The following DSP variants were observed in gnomAD, a reference collection of about 807,000 sequenced individuals.
The protein encoded by DSP is desmoplakin.
In DSP, 114 loss-of-function variants were observed where a neutral mutation model predicts 290.6. The observed-to-expected ratio is 0.39, with a 90% CI of 0.34 to 0.46. The LOEUF is 0.46. Among genes scored for constraint, DSP ranks in the 20% least tolerant of loss-of-function variants. The pLI, the probability that DSP is intolerant of heterozygous loss-of-function variation, is 0.99. For missense variants in DSP, 3,230 were observed against 3,495.8 expected (o/e 0.92, Z 1.92); for synonymous variants, 1,311 against 1,316.4 (o/e 1.00, Z 0.09).
rs111368396 is a variant in DSP at position 7,575,410 on chromosome 6, T to A, written c.2552T>A (p.Leu851Gln). ...QTSQQYPLYD[L>Q]DLGKFGEKVT... ...TCACAGCAGTATCCACTTTATGATC[T>A]GGACTTGGGCAAGTTCGGTGAAAAA... The change falls in exon 18 of 24, where the codon CTG (leucine) becomes CAG (glutamine). Residue 851 changes from leucine (L) to glutamine (Q), a missense_variant. Physicochemically the swap from Leu to Gln is moderately radical, Grantham distance 113. This residue lies in a region of DSP where 1,714 missense variants were observed against 1,844.5 expected (regional missense o/e 0.93). Coordinates refer to ENST00000379802, the MANE Select transcript of DSP (RefSeq NM_004415.4). 203 of 1,614,108 alleles carry A rather than the reference T, an allele frequency of 1.3e-4. 1 individual carries two copies. Among genetic ancestry groups the A allele is most frequent in the Non-Finnish European group, 1.7e-4 (196 of 1,180,046 alleles).
chr6:7,545,260 A>T (rs1176718633), intron 1 of DSP, among the ~76,000 whole-genome samples: 1 of 152,208 alleles, frequency 6.6e-6, no homozygotes, highest in Non-Finnish European at 1.5e-5. Context: ...TTTTAAGAGA[A>T]GCTTATTTCT....
intron 19 of DSP, 84 bp downstream of exon 19, chr6:7,576,540 C>G: frequency 6.5e-7 from 1 of 1,542,322 alleles, no homozygotes; most frequent in Non-Finnish European, 9.0e-7. Flanking sequence ...GTATCAGTGC[C>G]TAGGTTTGAA....
At position 7,565,350 on chromosome 6, in the gene DSP, C is replaced by A; in HGVS notation, c.778-9C>A. 8 of 1,613,966 alleles carry A rather than the reference C, an allele frequency of 5.0e-6. No individual in the cohort carries two copies. The highest frequency in any genetic ancestry group is 5.9e-6 in the Non-Finnish European group (7 of 1,180,002). ...TTATTTTAATGCTGCCTTTGAACCT[C>A]CTGTGCAGAAAGCGTCCTTTGAGAG... On this transcript the variant is annotated splice_polypyrimidine_tract_variant and intron_variant, in intron 6 of 23. Coordinates refer to ENST00000379802, the MANE Select transcript of DSP (RefSeq NM_004415.4). This position sits in a 1 kb window ranked among gnomAD's most constrained non-coding sequence, Gnocchi z 4.2.
chr6:7,568,302 A>AT, intron 10 of DSP, 135 bp from the exon 11 acceptor site: 1 of 1,009,778 alleles, frequency 9.9e-7, no homozygotes, highest in Non-Finnish European at 1.5e-6. Flanking sequence ...CTGCCGACGA[A>AT]TTTGTGATTT....
At chr6:7,568,724 C>A in intron 11 of DSP, 135 bp downstream of exon 11, 1 of 980,240 alleles carries the variant, frequency 1.0e-6, no homozygotes, top group South Asian at 1.4e-5. Flanking sequence ...AAATCAGCAG[C>A]TATGGAACAA....
At position 7,585,792 on chromosome 6, in the gene DSP, G is replaced by A; in HGVS notation, c.8530G>A (p.Gly2844Arg). The change falls in exon 24 of 24, where the codon GGG (glycine) becomes AGG (arginine). Residue 2844 changes from glycine to arginine, a missense_variant. Gly to Arg is a moderately radical substitution (Grantham distance 125, BLOSUM62 -2). Coordinates refer to ENST00000379802, the MANE Select transcript of DSP (RefSeq NM_004415.4). ...CGGATCTCGCTCCGGGTCCCGCAGT[G>A]GGTCCCGGAGAGGAAGCTTTGACGC... ...RSGSRSGSRSGSRRGSFDATG... is the reference protein window; with the variant it reads ...RSGSRSGSRSRSRRGSFDATG... 6.2e-7 allele frequency: 1 copy of A among 1,607,138 alleles called. No homozygotes were observed. The highest frequency in any genetic ancestry group is 1.1e-5 in the South Asian group (1 of 89,564).
rs776211500 is a variant in DSP, at chr6:7,572,012, C to G, written c.2074C>G (p.Pro692Ala). Reference sequence around the variant, plus strand: ...GGGCAGGATGACTCTCAAAAACCTCCCTCTAGCAGACCAGGGATCTTCTCA... The same window carrying G: ...GGGCAGGATGACTCTCAAAAACCTCGCTCTAGCAGACCAGGGATCTTCTCA... The part of the protein sequence containing the change: ...CEGRMTLKNL[P>A]LADQGSSHHI... The change falls in exon 15 of 24, where the codon CCT becomes GCT. Residue 692 changes from proline (P) to alanine (A), a missense_variant. Pro to Ala is a conservative substitution (Grantham distance 27, BLOSUM62 -1). Coordinates refer to ENST00000379802, the MANE Select transcript of DSP (RefSeq NM_004415.4). 6.2e-6 allele frequency: 10 copies of G among 1,614,144 alleles called. No individual in the cohort carries two copies. In the Admixed American group the frequency reaches 1.7e-4, roughly 27 times the overall value.
chr6:7,585,778 C>G lies in DSP; in HGVS notation c.8516C>G (p.Ser2839Cys), dbSNP rs750438076. Residue 2839 changes from serine (S) to cysteine (C), a missense_variant, in exon 24 of 24, where the codon TCC becomes TGC. By Grantham distance (112) the Ser-to-Cys change is moderately radical. Around this residue, in one of 5 missense-constraint regions of DSP, gnomAD observed 582 missense variants for 555.4 expected, o/e 1.05. Transcript: ENST00000379802. ...TCGGGATCTCGCTCCGGATCTCGCT[C>G]CGGGTCCCGCAGTGGGTCCCGGAGA... Reference protein sequence around the residue: ...SRSGSRSGSRSGSRSGSRRGS... With the variant: ...SRSGSRSGSRCGSRSGSRRGS... The G allele has an allele frequency of 2.5e-6, 4 of 1,609,240 alleles. No individual in the cohort carries two copies. Among genetic ancestry groups the G allele is most frequent in the Non-Finnish European group, 3.4e-6 (4 of 1,178,232 alleles).
Position 7,583,834 on chromosome 6 carries a change from G to C in DSP, c.6572G>C (p.Arg2191Thr). 6.2e-7 allele frequency: 1 copy of C among 1,614,152 alleles called. No individual in the cohort carries two copies. Among genetic ancestry groups the C allele is most frequent in the Non-Finnish European group, 8.5e-7 (1 of 1,180,034 alleles). ...TACGTGCAGCTGAAGGAACGGTGCAGAATCGAACCACATACTGGTCTGCTC... is the reference window on the plus strand; with the variant it reads ...TACGTGCAGCTGAAGGAACGGTGCACAATCGAACCACATACTGGTCTGCTC... ...VSYVQLKERCRIEPHTGLLLL... is the reference protein window; with the variant it reads ...VSYVQLKERCTIEPHTGLLLL... The change falls in exon 24 of 24, where the codon AGA (arginine) becomes ACA (threonine). Residue 2191 changes from arginine (R) to threonine (T), a missense_variant. Around this residue, in one of 5 missense-constraint regions of DSP, gnomAD observed 1,714 missense variants for 1,844.5 expected, o/e 0.93. Coordinates refer to ENST00000379802, the MANE Select transcript of DSP (RefSeq NM_004415.4). This position sits in a 1 kb window ranked among gnomAD's most constrained non-coding sequence, Gnocchi z 4.0.
chr6:7,581,979 C>A (rs767154131), intron 23 of DSP, among the ~76,000 whole-genome samples: 9 of 152,100 alleles, frequency 5.9e-5, no homozygotes, highest in Middle Eastern at 6.8e-3. Flanking sequence ...AACACTTTTT[C>A]TTTTGCCTGC....
chr6:7,564,044 C>T (rs1425839429), intron 6 of DSP, among the ~76,000 whole-genome samples: 4 of 152,264 alleles, frequency 2.6e-5, no homozygotes, highest in East Asian at 1.9e-4. Flanking sequence ...GTGATCCGCC[C>T]GCCTTGGCCT....
intron 16 of DSP, among the ~76,000 whole-genome samples, 185 bp from the exon 17 acceptor site, chr6:7,574,472 C>G (rs1281433948): frequency 1.3e-5 from 2 of 152,084 alleles, no homozygotes; most frequent in African/African-American, 4.8e-5. Context: ...GCTCTAAGGG[C>G]CAGAACTTGA....
chr6:7,556,085 AT>A (rs1312095171), intron 2 of DSP, among the ~76,000 whole-genome samples: 3 of 152,246 alleles, frequency 2.0e-5, no homozygotes, highest in African/African-American at 7.2e-5. Flanking sequence ...CTTTTTGGAA[AT>A]AAAGCAATTT....
At chr6:7,543,762 C>G (rs1193332479) in intron 1 of DSP, among the ~76,000 whole-genome samples, 1 of 152,092 alleles carries the variant, frequency 6.6e-6, no homozygotes, top group African/African-American at 2.4e-5. Context: ...GCTTGGATTT[C>G]TTATCTTTTA....
Position 7,558,107 on chromosome 6 carries a change from T to A in DSP, c.274-9T>A, listed in dbSNP as rs986399667. On this transcript the variant is annotated splice_polypyrimidine_tract_variant and intron_variant, in intron 2 of 23. Transcript: ENST00000379802. Reference sequence around the variant, plus strand: ...ATGTGTTTTCCTTCATGTGAGTGTTTTCTTTCAGGAATTGAAGTATGGAGA... The same window carrying A: ...ATGTGTTTTCCTTCATGTGAGTGTTATCTTTCAGGAATTGAAGTATGGAGA... The A allele has an allele frequency of 1.9e-6, 3 of 1,614,136 alleles. No homozygotes were observed. The highest frequency in any genetic ancestry group is 2.5e-6 in the Non-Finnish European group (3 of 1,180,048).
chr6:7,557,320 G>T (rs557460173), intron 2 of DSP, among the ~76,000 whole-genome samples: 1 of 152,148 alleles, frequency 6.6e-6, no homozygotes, highest in Non-Finnish European at 1.5e-5. Flanking sequence ...TGATTATAGC[G>T]CATCATCAAA....
rs141120358 is a variant in DSP at position 7,579,886 on chromosome 6, C to A, written c.3696C>A (p.Ser1232=). 369 of 1,614,020 alleles carry A rather than the reference C, an allele frequency of 2.3e-4. No homozygotes were observed. In the African/African-American group the frequency reaches 4.1e-3, roughly 18 times the overall value. ...KEISMQKEDD[S]KNLRNQLDRL... is the part of the protein sequence containing the mutation. ...TATCCATGCAAAAAGAGGATGATTCCAAAAATCTTAGAAACCAGCTTGATA... is the reference window on the plus strand; with the variant it reads ...TATCCATGCAAAAAGAGGATGATTCAAAAAATCTTAGAAACCAGCTTGATA... Residue 1232 remains serine (S), a synonymous_variant, in exon 23 of 24, where the codon TCC becomes TCA. Transcript: ENST00000379802. This position sits in a 1 kb window ranked among gnomAD's most constrained non-coding sequence, Gnocchi z 4.1.
chr6:7,584,526 G>A lies in DSP; in HGVS notation c.7264G>A (p.Glu2422Lys), dbSNP rs1759564303. The A allele has an allele frequency of 1.2e-6, 2 of 1,613,982 alleles. No individual in the cohort carries two copies. Among genetic ancestry groups the A allele is most frequent in the Non-Finnish European group, 1.7e-6 (2 of 1,180,010 alleles). The change falls in exon 24 of 24, where the codon GAA (glutamate) becomes AAA (lysine). Residue 2422 changes from glutamate to lysine, a missense_variant. Physicochemically the swap from Glu to Lys is moderately conservative, Grantham distance 56 (BLOSUM62 1). Around this residue, in one of 5 missense-constraint regions of DSP, gnomAD observed 207 missense variants for 281.2 expected, o/e 0.74. Coordinates refer to ENST00000379802, the MANE Select transcript of DSP (RefSeq NM_004415.4). The surrounding 1 kb of genome is among the most constrained non-coding windows in gnomAD (Gnocchi z 6.4). Reference sequence around the variant, plus strand: ...AGGATTTTTTGACCCCAACACTGAAGAAAATCTTACCTATCTGCAACTAAA... The same window carrying A: ...AGGATTTTTTGACCCCAACACTGAAAAAAATCTTACCTATCTGCAACTAAA... ...TKGFFDPNTE[E>K]NLTYLQLKER...
At chr6:7,558,345 A>C in intron 3 of DSP, 81 bp downstream of exon 3, 1 of 1,551,354 alleles carries the variant, frequency 6.4e-7, no homozygotes, top group Non-Finnish European at 8.7e-7. Context: ...TCCATGACCC[A>C]GGGCTTCCTT....
Sources: gnomAD v4.1 joint callset for allele counts (sites outside exome capture counted in the v4.1 genomes callset) on GRCh38, gnomAD v4.1.1 for gene constraint, gnomAD v4.1.1 regional missense constraint, Gnocchi (gnomAD v3.1) non-coding constraint, MANE v1.5 for transcripts, NCBI Gene and HGNC (gene_info 2026-07-23, HGNC 2026-07-21) for gene names.